Variants in CCDC178 observed in about 807,000 individuals in gnomAD.
CCDC178 encodes the protein coiled-coil domain containing 178, also known as coiled-coil domain-containing protein 178.
A neutral mutation model predicts 117.4 loss-of-function variants in CCDC178; 126 were observed. The observed-to-expected ratio is 1.07, with a 90% CI of 0.93 to 1.24. CCDC178 has a LOEUF of 1.24. Ranked by LOEUF, CCDC178 falls within the 50% of genes most tolerant of loss-of-function variation. The pLI is 0.00. For missense variants in CCDC178, 1,030 were observed against 986.9 expected, an observed-to-expected ratio of 1.04 and a Z score of -0.59; for synonymous variants, 283 against 313.4, an observed-to-expected ratio of 0.90 and a Z score of 1.02.
At chr18:33,186,058 T>G (rs536359744) in intron 20 of CCDC178, among the ~76,000 whole-genome samples, 1 of 152,202 alleles carries the variant, frequency 6.6e-6, no homozygotes, top group South Asian at 2.1e-4. Context: ...CTAAGAATAA[T>G]TTATTATCTA....
At chr18:33,374,024 G>A (rs1054263764) in intron 5 of CCDC178, among the ~76,000 whole-genome samples, 2 of 152,156 alleles carry the variant, frequency 1.3e-5, no homozygotes, top group African/African-American at 4.8e-5. Flanking sequence ...TTGATAAGGT[G>A]GAGTCCCACA....
At position 32,938,352 on chromosome 18, in the gene CCDC178, T is replaced by C; in HGVS notation, c.2524-261A>G. The C allele has an allele frequency of 8.6e-6, 3 of 348,480 alleles. No individual in the cohort carries two copies. The South Asian group carries it at 1.7e-4, about 20-fold the overall frequency. 21.6% of individuals were successfully genotyped at this position (348,480 alleles called of 1,614,324 possible). ...GAGACAATTAAATTATTCTACTGCT[T>C]TAGAGATTCTTTTACCCACTATCAT... On this transcript the variant is annotated intron_variant, in intron 22 of 22. Coordinates refer to ENST00000383096, the MANE Select transcript of CCDC178 (RefSeq NM_001105528.4).
intron 6 of CCDC178, among the ~76,000 whole-genome samples, chr18:33,358,470 C>A (rs576689329): frequency 1.3e-5 from 2 of 151,536 alleles, no homozygotes; most frequent in South Asian, 4.2e-4. Flanking sequence ...ATGGAACAGG[C>A]CAGAAATAGG....
chr18:33,251,799 C>G (rs1250799229), intron 14 of CCDC178, among the ~76,000 whole-genome samples: 1 of 151,688 alleles, frequency 6.6e-6, no homozygotes, highest in Non-Finnish European at 1.5e-5. Context: ...AAACCAGGAT[C>G]CACCCTGTGA....
intron 20 of CCDC178, among the ~76,000 whole-genome samples, chr18:33,108,892 G>A (rs2057742501): frequency 6.6e-6 from 1 of 151,534 alleles, no homozygotes; most frequent in African/African-American, 2.4e-5. Flanking sequence ...TCTGTGTTAG[G>A]GAAATTATAA....
At chr18:33,412,136 TATC>T (rs748580334) in intron 2 of CCDC178, 26 bp from the exon 3 acceptor site, 6 of 886,348 alleles carry the variant, frequency 6.8e-6, no homozygotes, top group South Asian at 3.4e-5. Flanking sequence ...AATATTTAAA[TATC>T]ATGAATCTAA....
intron 20 of CCDC178, among the ~76,000 whole-genome samples, chr18:33,181,507 T>G (rs2058732045): frequency 6.6e-6 from 1 of 151,986 alleles, no homozygotes; most frequent in Admixed American, 6.6e-5. Flanking sequence ...CTTTATTTAC[T>G]ACAACATGAA....
rs759832874 is a variant in CCDC178, at chr18:33,356,356, C to G, written c.349-10G>C. On this transcript the variant is annotated splice_polypyrimidine_tract_variant and intron_variant, in intron 6 of 22. Transcript: ENST00000383096. ...CAAAAGAAGTTTCAAACTGTCAAAA[C>G]AAAAGATCTCAATAAAAATCAAATC... is the stretch of plus-strand genomic sequence containing the variant. 1 of 1,474,658 alleles carries G rather than the reference C, an allele frequency of 6.8e-7. No individual in the cohort carries two copies. Among genetic ancestry groups the G allele is most frequent in the Non-Finnish European group, 9.1e-7 (1 of 1,093,276 alleles). The allele number at this position is 1,474,658 out of a possible 1,614,324, so 91.3% of individuals were successfully genotyped here.
At chr18:33,106,486 T>C (rs1433787108) in intron 20 of CCDC178, among the ~76,000 whole-genome samples, 1 of 151,680 alleles carries the variant, frequency 6.6e-6, no homozygotes, top group Non-Finnish European at 1.5e-5. Context: ...TTTTGAACAT[T>C]CCGAAATTGA....
At chr18:33,035,442 A>G (rs1216466564) in intron 21 of CCDC178, among the ~76,000 whole-genome samples, 3 of 152,040 alleles carry the variant, frequency 2.0e-5, no homozygotes, top group African/African-American at 2.4e-5. Context: ...CATAAAAAAG[A>G]ATAAAATCCT....
At position 33,169,803 on chromosome 18, in the gene CCDC178, C is replaced by A. The variant is rs144027221; in HGVS notation, c.2238+42093G>T. Among the ~76,000 whole-genome samples the A allele has an allele frequency of 2.0e-3, 303 of 152,156 alleles. 1 individual carries two copies. Among genetic ancestry groups the A allele is most frequent in the Middle Eastern group, 0.014 (4 of 294 alleles). On this transcript the variant is annotated intron_variant, in intron 20 of 22. Transcript: ENST00000383096. Reference sequence around the variant, plus strand: ...GCTTGATTATATTAGAAAACAAAAGCCAGTATTATCATTTTCAATTCAATT... The same window carrying A: ...GCTTGATTATATTAGAAAACAAAAGACAGTATTATCATTTTCAATTCAATT...
At chr18:33,432,082 G>A (rs1296968845) in intron 2 of CCDC178, among the ~76,000 whole-genome samples, 3 of 152,152 alleles carry the variant, frequency 2.0e-5, no homozygotes, top group African/African-American at 7.2e-5. Flanking sequence ...CTTCTTATGG[G>A]CCTGGGAGCC....
At chr18:33,282,945 A>G (rs2060043950) in intron 12 of CCDC178, among the ~76,000 whole-genome samples, 2 of 152,030 alleles carry the variant, frequency 1.3e-5, no homozygotes, top group South Asian at 4.2e-4. Flanking sequence ...CCAGACCAGC[A>G]CTCTGGCCCC....
chr18:33,162,407 C>A (rs1233902067), intron 20 of CCDC178, among the ~76,000 whole-genome samples: 1 of 152,114 alleles, frequency 6.6e-6, no homozygotes, highest in Non-Finnish European at 1.5e-5. Context: ...GAAATATTCT[C>A]AACATAATTT....
chr18:33,006,196 G>A (rs2055746446), intron 21 of CCDC178, among the ~76,000 whole-genome samples: 1 of 151,900 alleles, frequency 6.6e-6, no homozygotes, highest in Non-Finnish European at 1.5e-5. Flanking sequence ...GATTGAATTT[G>A]CTTTGGTTTT....
At chr18:33,106,794 C>G (rs2057711780) in intron 20 of CCDC178, among the ~76,000 whole-genome samples, 2 of 151,470 alleles carry the variant, frequency 1.3e-5, no homozygotes, top group South Asian at 2.1e-4. Flanking sequence ...TACCTAAGTT[C>G]AGAGAGATGT....
intron 9 of CCDC178, among the ~76,000 whole-genome samples, chr18:33,339,583 C>T (rs2062787490): frequency 6.6e-6 from 1 of 151,678 alleles, no homozygotes; most frequent in South Asian, 2.1e-4. Context: ...TTGGCTGTGT[C>T]CCCACCCAAA....
intron 21 of CCDC178, among the ~76,000 whole-genome samples, chr18:33,044,734 A>G (rs895135472): frequency 3.3e-5 from 5 of 152,230 alleles, no homozygotes; most frequent in African/African-American, 1.2e-4. Flanking sequence ...AGCACTACTC[A>G]TAATAGCAAA....
intron 21 of CCDC178, among the ~76,000 whole-genome samples, chr18:33,007,989 C>T (rs972603180): frequency 3.9e-5 from 6 of 152,114 alleles, no homozygotes; most frequent in Admixed American, 3.9e-4. Context: ...GATGTATTGG[C>T]TTCTCATTTC....
Sources: gnomAD v4.1 joint callset for allele counts (sites outside exome capture counted in the v4.1 genomes callset) on GRCh38, gnomAD v4.1.1 for gene constraint, MANE v1.5 for transcripts, NCBI Gene and HGNC (gene_info 2026-07-23, HGNC 2026-07-21) for gene names.